Variants in FBXO28 observed in about 807,000 individuals in gnomAD.
The protein encoded by FBXO28 is F-box protein 28.
Under a neutral mutation model 38.1 loss-of-function variants are expected in FBXO28, and 8 were observed. The ratio of observed to expected loss-of-function variants is 0.21; its 90% CI spans 0.12 to 0.38. The LOEUF (loss-of-function observed/expected upper bound fraction) is 0.38, where lower values mean the gene tolerates loss of function less well. FBXO28 is among the 10% of genes least tolerant of loss of function. The probability of loss-of-function intolerance (pLI) is 1.00; values close to 1 mark genes in which losing one functional copy is unlikely to be tolerated. For missense variants in FBXO28, 345 were observed against 460.6 expected (o/e 0.75, Z 2.30); for synonymous variants, 168 against 173.8 (o/e 0.97, Z 0.26).
At position 224,124,720 on chromosome 1, in the gene FBXO28, C is replaced by T. The variant is rs553956979; in HGVS notation, c.268-5752C>T. On this transcript the variant is annotated intron_variant, in intron 1 of 4. Transcript: ENST00000366862. ...ATCCTAAACAAAAGTTATATGGTCTCTTTTGTTGTATTGTTTCGTTTTTGA... is the reference window on the plus strand; with the variant it reads ...ATCCTAAACAAAAGTTATATGGTCTTTTTTGTTGTATTGTTTCGTTTTTGA... Among the ~76,000 whole-genome samples the T allele has an allele frequency of 5.9e-5, 9 of 152,158 alleles. No homozygotes were observed. The South Asian group carries it at 1.5e-3, about 25-fold the overall frequency.
At chr1:224,152,273 G>A (rs989050686) in intron 3 of FBXO28, among the ~76,000 whole-genome samples, 10 of 152,072 alleles carry the variant, frequency 6.6e-5, no homozygotes, top group East Asian at 1.9e-4. Context: ...ATTCCAATCC[G>A]TAACAAGTCT....
chr1:224,137,294 A>G (rs10737433), intron 3 of FBXO28, among the ~76,000 whole-genome samples: 151,411 of 151,564 alleles, frequency 1, 75,633 homozygotes, highest in East Asian at 1. Context: ...GGAGGCCAAG[A>G]CGGGTAGATC....
At chr1:224,121,530 C>G (rs933490960) in intron 1 of FBXO28, among the ~76,000 whole-genome samples, 4 of 152,188 alleles carry the variant, frequency 2.6e-5, no homozygotes, top group African/African-American at 9.7e-5. Flanking sequence ...TGCTCTGTCA[C>G]CCATGCTGGA....
intron 3 of FBXO28, among the ~76,000 whole-genome samples, chr1:224,146,908 A>G (rs1324557497): frequency 1.3e-5 from 2 of 149,524 alleles, no homozygotes; most frequent in Admixed American, 6.7e-5. Flanking sequence ...GGGTTTCACC[A>G]TATTGGCCAG....
chr1:224,124,465 G>T (rs1289830667), intron 1 of FBXO28, among the ~76,000 whole-genome samples: 1 of 152,014 alleles, frequency 6.6e-6, no homozygotes, highest in Non-Finnish European at 1.5e-5. Flanking sequence ...TTACTGTCTT[G>T]GGTAAATTGC....
chr1:224,133,009 G>A (rs932838007), intron 2 of FBXO28, among the ~76,000 whole-genome samples: 17 of 152,250 alleles, frequency 1.1e-4, no homozygotes, highest in African/African-American at 3.1e-4. Flanking sequence ...ATCAGCTGAT[G>A]AGCAAACAAA....
At position 224,159,561 on chromosome 1, in the gene FBXO28, C is replaced by G. The variant is rs1657848219; in HGVS notation, c.*1815C>G. 6.6e-6 allele frequency: 1 copy of G among 152,572 alleles called. No individual in the cohort carries two copies. The highest frequency in any genetic ancestry group is 1.5e-5 in the Non-Finnish European group (1 of 68,030). 9.5% of individuals were successfully genotyped at this position (152,572 alleles called of 1,614,324 possible). A position where few individuals can be genotyped will look rare whatever the true frequency, so the allele number is the denominator to read the frequency against. On this transcript the variant is annotated 3_prime_UTR_variant, in exon 5 of 5. Coordinates refer to ENST00000366862, the MANE Select transcript of FBXO28 (RefSeq NM_015176.4). ...CCAAAAAACATTTGTCAGCCAAGGTCATCCATAAAAGTCCCCGTCTGGAAC... is the reference window on the plus strand; with the variant it reads ...CCAAAAAACATTTGTCAGCCAAGGTGATCCATAAAAGTCCCCGTCTGGAAC...
intron 3 of FBXO28, among the ~76,000 whole-genome samples, chr1:224,148,725 G>A (rs1050518374): frequency 3.3e-5 from 5 of 151,882 alleles, no homozygotes; most frequent in Non-Finnish European, 7.4e-5. Flanking sequence ...TGATAGTACT[G>A]CATAACTACT....
chr1:224,133,589 T>C (rs1657105287), intron 2 of FBXO28, among the ~76,000 whole-genome samples: 1 of 152,046 alleles, frequency 6.6e-6, no homozygotes, highest in Admixed American at 6.6e-5. Flanking sequence ...GCAGTCTTGG[T>C]TCACTGCAAC....
At chr1:224,143,778 GTGGGCT>G (rs1657427795) in intron 3 of FBXO28, among the ~76,000 whole-genome samples, 1 of 151,054 alleles carries the variant, frequency 6.6e-6, no homozygotes, top group Non-Finnish European at 1.5e-5. Flanking sequence ...GGAGCTTGCA[GTGGGCT>G]GAGATCACGC....
At position 224,160,530 on chromosome 1, in the gene FBXO28, C is replaced by T. The variant is rs1345081966; in HGVS notation, c.*2784C>T. 1 of 152,214 alleles carries T rather than the reference C, an allele frequency of 6.6e-6. No homozygotes were observed. Among genetic ancestry groups the T allele is most frequent in the African/African-American group, 2.4e-5 (1 of 41,460 alleles). The allele number at this position is 152,214 out of a possible 1,614,324, so 9.4% of individuals were successfully genotyped here. A position where few individuals can be genotyped will look rare whatever the true frequency, so the allele number is the denominator to read the frequency against. On this transcript the variant is annotated 3_prime_UTR_variant, in exon 5 of 5. Transcript: ENST00000366862. ...TACCCCACCCCAGCCGGATCCTCTG[C>T]TTATCTCCCACATGCACTTGGCTTA...
At chr1:224,142,041 T>A (rs1359415002) in intron 3 of FBXO28, among the ~76,000 whole-genome samples, 1 of 52,910 alleles carries the variant, frequency 1.9e-5, no homozygotes, top group African/African-American at 4.5e-5. Flanking sequence ...ACAGGCACAT[T>A]AAATTTTTTT....
chr1:224,156,489 G>T (rs1657776317), intron 4 of FBXO28, among the ~76,000 whole-genome samples: 1 of 151,960 alleles, frequency 6.6e-6, no homozygotes, highest in Non-Finnish European at 1.5e-5. Flanking sequence ...CTTTTTTTCA[G>T]ATTTTGGAAC....
Position 224,121,933 on chromosome 1 carries a change from G to T in FBXO28, c.267+7537G>T, listed in dbSNP as rs1281174785. On this transcript the variant is annotated intron_variant, in intron 1 of 4. Coordinates refer to ENST00000366862, the MANE Select transcript of FBXO28 (RefSeq NM_015176.4). ...TGGGATTACAGGCCTGCACCACCACGCCTGGCTAATGTTTGTATTTTTGGT... is the reference window on the plus strand; with the variant it reads ...TGGGATTACAGGCCTGCACCACCACTCCTGGCTAATGTTTGTATTTTTGGT... Among the ~76,000 whole-genome samples, 3 of 152,024 alleles carry T rather than the reference G, an allele frequency of 2.0e-5. No individual in the cohort carries two copies. The East Asian group carries it at 5.8e-4, about 29-fold the overall frequency.
rs538942233 is a variant in FBXO28, at chr1:224,125,386, A to G, written c.268-5086A>G. Among the ~76,000 whole-genome samples the G allele has an allele frequency of 7.9e-5, 12 of 152,200 alleles. No individual in the cohort carries two copies. In the South Asian group the frequency reaches 1.7e-3, roughly 21 times the overall value. ...CTAATCTTTTTATCAGCTTTTAATTATAAATGTCAGTTGAGGCTCCATTTA... is the reference window on the plus strand; with the variant it reads ...CTAATCTTTTTATCAGCTTTTAATTGTAAATGTCAGTTGAGGCTCCATTTA... On this transcript the variant is annotated intron_variant, in intron 1 of 4. Transcript: ENST00000366862.
chr1:224,126,726 C>T (rs1656912176), intron 1 of FBXO28, among the ~76,000 whole-genome samples: 1 of 152,184 alleles, frequency 6.6e-6, no homozygotes, highest in Non-Finnish European at 1.5e-5. Flanking sequence ...AGGAGAATCG[C>T]TTGAACCCAG....
At chr1:224,134,544 A>G (rs958823128) in intron 3 of FBXO28, among the ~76,000 whole-genome samples, 3 of 152,182 alleles carry the variant, frequency 2.0e-5, no homozygotes, top group Non-Finnish European at 4.4e-5. Context: ...TGCCTTCAAG[A>G]CTATTATAAT....
At chr1:224,133,930 A>G in intron 2 of FBXO28, 144 bp from the exon 3 acceptor site, 1 of 521,102 alleles carries the variant, frequency 1.9e-6, no homozygotes, top group Non-Finnish European at 3.1e-6. Flanking sequence ...TTCATTCATC[A>G]TTACAGTTAA....
intron 1 of FBXO28, 86 bp downstream of exon 1, chr1:224,114,482 G>GC (rs955114232): frequency 2.5e-6 from 3 of 1,200,184 alleles, no homozygotes; most frequent in East Asian, 2.7e-5. Flanking sequence ...CGGGAAGGGA[G>GC]CCCCCCGCGA....
Sources: gnomAD v4.1 joint callset for allele counts (sites outside exome capture counted in the v4.1 genomes callset) on GRCh38, gnomAD v4.1.1 for gene constraint, MANE v1.5 for transcripts, NCBI Gene and HGNC (gene_info 2026-07-23, HGNC 2026-07-21) for gene names.